Variants in TENM2 observed in about 807,000 individuals in gnomAD.
TENM2 encodes the protein teneurin transmembrane protein 2, also known as teneurin-2.
Under a neutral mutation model 245.2 loss-of-function variants are expected in TENM2, and 52 were observed. The observed-to-expected ratio is 0.21, with a 90% CI of 0.17 to 0.27. The LOEUF is 0.27. Among genes scored for constraint, TENM2 ranks in the 10% least tolerant of loss-of-function variants. The pLI is 1.00. For synonymous variants in TENM2, 1,363 were observed against 1,438.9 expected (o/e 0.95, Z 1.19); for missense variants, 3,046 against 3,666.8 (o/e 0.83, Z 4.37).
chr5:168,016,018 T>C (rs902058013), intron 5 of TENM2, among the ~76,000 whole-genome samples: 11 of 152,196 alleles, frequency 7.2e-5, no homozygotes, highest in Non-Finnish European at 1.2e-4. Context: ...CCCCTCCTTC[T>C]GCACTGTTAA....
chr5:167,185,710 T>C, the TENM2 span, among the ~76,000 whole-genome samples: 1 of 149,032 alleles, frequency 6.7e-6, no homozygotes, highest in Non-Finnish European at 1.5e-5. Context: ...TTCTTGAAGG[T>C]CATTTTTTTT....
At chr5:168,149,531 G>A (rs1258459756) in intron 12 of TENM2, 1 of 456,108 alleles carries the variant, frequency 2.2e-6, no homozygotes, top group South Asian at 1.5e-5. Flanking sequence ...AACACATCTA[G>A]CATTAGCGGT....
At chr5:167,355,339 CT>C (rs1180569652) in intron 1 of TENM2, among the ~76,000 whole-genome samples, 3 of 147,748 alleles carry the variant, frequency 2.0e-5, no homozygotes, top group Non-Finnish European at 4.5e-5. Context: ...GATGGATAGA[CT>C]TTCTGAAAGG....
At chr5:167,447,472 G>A (rs114137082) in intron 2 of TENM2, among the ~76,000 whole-genome samples, 362 of 152,180 alleles carry the variant, frequency 2.4e-3, no homozygotes, top group African/African-American at 8.4e-3. Flanking sequence ...TTTCTTTTCC[G>A]TAGAGAATTT....
At chr5:167,965,644 G>A (rs1483895004) in intron 4 of TENM2, 1 of 152,034 alleles carries the variant, frequency 6.6e-6, no homozygotes, top group East Asian at 1.9e-4. Flanking sequence ...AATCATATAG[G>A]CCTGTGAATA....
intron 5 of TENM2, among the ~76,000 whole-genome samples, chr5:168,024,533 A>C (rs996649459): frequency 4.6e-5 from 7 of 152,236 alleles, no homozygotes; most frequent in African/African-American, 1.7e-4. Context: ...ATTCTACTAA[A>C]GTGCTTGCAA....
chr5:167,491,944 G>A (rs1462544866), intron 2 of TENM2, among the ~76,000 whole-genome samples: 2 of 152,030 alleles, frequency 1.3e-5, no homozygotes, highest in South Asian at 2.1e-4. Flanking sequence ...TAACAAAGCA[G>A]AATAAACTCA....
intron 2 of TENM2, among the ~76,000 whole-genome samples, chr5:167,754,428 A>T (rs1276955591): frequency 2.6e-5 from 4 of 152,204 alleles, no homozygotes; most frequent in African/African-American, 7.2e-5. Context: ...GCTGTCAATC[A>T]CATCTCGTCC....
chr5:167,780,695 G>A (rs1165610224), intron 2 of TENM2, among the ~76,000 whole-genome samples: 3 of 152,154 alleles, frequency 2.0e-5, no homozygotes, highest in South Asian at 2.1e-4. Context: ...TCTTTAAACA[G>A]AAGCTCACAT....
chr5:167,027,794 G>T, the TENM2 span, among the ~76,000 whole-genome samples: 3,637 of 152,104 alleles, frequency 0.024, 152 homozygotes, highest in African/African-American at 0.083. Flanking sequence ...TTTTACATAA[G>T]TGGGCTGGGT....
At chr5:168,215,001 GC>G (rs1763062270) in intron 20 of TENM2, 38 bp from the exon 23 acceptor site, 1 of 1,566,744 alleles carries the variant, frequency 6.4e-7, no homozygotes, top group Non-Finnish European at 8.8e-7. Context: ...CAGCTCCATA[GC>G]CCCCTCCTCA....
chr5:168,157,704 G>A (rs1757306750), intron 12 of TENM2, among the ~76,000 whole-genome samples: 1 of 152,172 alleles, frequency 6.6e-6, no homozygotes, highest in Admixed American at 6.5e-5. Flanking sequence ...ATACCTGGAT[G>A]TGCCATGCAC....
At chr5:167,241,879 A>G in the TENM2 span, among the ~76,000 whole-genome samples, 1 of 152,236 alleles carries the variant, frequency 6.6e-6, no homozygotes, top group Middle Eastern at 3.4e-3. Flanking sequence ...GCTGAGGAAG[A>G]TTGCATCATA....
intron 1 of TENM2, among the ~76,000 whole-genome samples, chr5:167,363,746 AG>A (rs1161203292): frequency 2.7e-4 from 33 of 120,370 alleles, no homozygotes; most frequent in African/African-American, 4.6e-4. Context: ...AAAAAAAAAA[AG>A]AAAAGAAAAA....
At chr5:168,004,503 GCATGCGCGCGCGCGCACACA>G (rs1446151497) in intron 5 of TENM2, among the ~76,000 whole-genome samples, 3 of 92,464 alleles carry the variant, frequency 3.2e-5, no homozygotes, top group East Asian at 4.6e-4. Flanking sequence ...TGGGATGCAC[GCATGCGCGCGCGCGCACACA>G]CACACACACA....
At chr5:167,451,284 T>C (rs969235721) in intron 2 of TENM2, among the ~76,000 whole-genome samples, 6 of 152,186 alleles carry the variant, frequency 3.9e-5, no homozygotes, top group South Asian at 4.1e-4. Flanking sequence ...GAGCCTGTAA[T>C]GAGCCCTCTG....
intron 2 of TENM2, among the ~76,000 whole-genome samples, chr5:167,648,363 A>G (rs1780105837): frequency 6.6e-6 from 1 of 152,220 alleles, no homozygotes; most frequent in South Asian, 2.1e-4. Flanking sequence ...GAATTCTACT[A>G]TTTGTTGATA....
chr5:168,012,375 G>T (rs1581052659), intron 5 of TENM2, among the ~76,000 whole-genome samples: 1 of 151,972 alleles, frequency 6.6e-6, no homozygotes, highest in South Asian at 2.1e-4. Flanking sequence ...AGGCACAGAG[G>T]CTCACACTTG....
intron 2 of TENM2, among the ~76,000 whole-genome samples, chr5:167,663,182 G>T (rs533805379): frequency 7.3e-6 from 1 of 137,522 alleles, no homozygotes; most frequent in African/African-American, 2.9e-5. Flanking sequence ...GAGAGAGAGA[G>T]AGAGAAAGAG....
Sources: allele counts gnomAD v4.1 joint callset (sites outside exome capture counted in the v4.1 genomes callset), GRCh38; gene constraint gnomAD v4.1.1; transcripts MANE v1.5; gene names NCBI Gene and HGNC (gene_info 2026-07-23, HGNC 2026-07-21).